TBK1: variants seen among roughly 807,000 people sequenced by gnomAD.
TBK1 encodes the protein serine/threonine-protein kinase TBK1.
Under a neutral mutation model 99.9 loss-of-function variants are expected in TBK1, and 37 were observed. That is an observed-to-expected ratio of 0.37 (90% CI 0.28 to 0.49). The LOEUF is 0.49. Ranked by LOEUF, TBK1 falls within the 20% of genes least tolerant of loss-of-function variation. TBK1 has a pLI of 0.98. For synonymous variants in TBK1, 258 were observed against 279.8 expected, an observed-to-expected ratio of 0.92 and a Z score of 0.78; for missense variants, 644 against 872.5, an observed-to-expected ratio of 0.74 and a Z score of 3.30.
Position 64,481,874 on chromosome 12 carries a change from C to T in TBK1, c.845C>T (p.Ala282Val), listed in dbSNP as rs2040771087. ...GLQVLLTPVL[A>V]NILEADQEKC... is the part of the protein sequence containing the mutation. ...CAGGTTCTACTTACCCCTGTTCTTG[C>T]AAACATCCTTGAAGCAGATCAGGAA... Residue 282 changes from alanine to valine, a missense_variant, in exon 8 of 21, where the codon GCA (alanine) becomes GTA (valine). Ala to Val is a moderately conservative substitution (Grantham distance 64). Coordinates refer to ENST00000331710, the MANE Select transcript of TBK1 (RefSeq NM_013254.4). 1 of 1,607,084 alleles carries T rather than the reference C, an allele frequency of 6.2e-7. No homozygotes were observed. Among genetic ancestry groups the T allele is most frequent in the African/African-American group, 1.3e-5 (1 of 74,540 alleles).
Position 64,455,865 on chromosome 12 carries a change from G to A in TBK1, c.-6G>A, listed in dbSNP as rs997617573. Reference sequence around the variant, plus strand: ...TATAACAAGAGGATTGCCTGATCCAGCCAAGATGCAGAGCACTTCTAATCA... The same window carrying A: ...TATAACAAGAGGATTGCCTGATCCAACCAAGATGCAGAGCACTTCTAATCA... On this transcript the variant is annotated 5_prime_UTR_variant, in exon 2 of 21. Coordinates refer to ENST00000331710, the MANE Select transcript of TBK1 (RefSeq NM_013254.4). 1 of 1,605,918 alleles carries A rather than the reference G, an allele frequency of 6.2e-7. No individual in the cohort carries two copies. The highest frequency in any genetic ancestry group is 8.5e-7 in the Non-Finnish European group (1 of 1,177,888).
chr12:64,501,977 T>C lies in TBK1; in HGVS notation c.*596T>C, dbSNP rs1249245712. On this transcript the variant is annotated 3_prime_UTR_variant, in exon 21 of 21. Transcript: ENST00000331710. Reference sequence around the variant, plus strand: ...AAAGTGAATTCATTATTAAAAACTATTCATTTTTTTCCTTTGGCCATAAAT... The same window carrying C: ...AAAGTGAATTCATTATTAAAAACTACTCATTTTTTTCCTTTGGCCATAAAT... 1 of 152,652 alleles carries C rather than the reference T, an allele frequency of 6.6e-6. No individual in the cohort carries two copies. Among genetic ancestry groups the C allele is most frequent in the Non-Finnish European group, 1.5e-5 (1 of 68,042 alleles). 9.5% of individuals were successfully genotyped at this position (152,652 alleles called of 1,614,324 possible). A position where few individuals can be genotyped will look rare whatever the true frequency, so the allele number is the denominator to read the frequency against.
intron 11 of TBK1, 71 bp downstream of exon 11, chr12:64,486,088 T>C: frequency 9.7e-7 from 1 of 1,029,966 alleles, no homozygotes; most frequent in Non-Finnish European, 1.4e-6. Flanking sequence ...ATTTTCTCTC[T>C]TCAAACTAGT....
chr12:64,494,592 A>T (rs2040906666), intron 13 of TBK1, among the ~76,000 whole-genome samples: 1 of 152,234 alleles, frequency 6.6e-6, no homozygotes, highest in Non-Finnish European at 1.5e-5. Flanking sequence ...ACAAATTGAT[A>T]AGGAAAATAG....
At chr12:64,456,108 C>A in intron 2 of TBK1, 151 bp downstream of exon 2, 1 of 640,304 alleles carries the variant, frequency 1.6e-6, no homozygotes, top group Non-Finnish European at 2.7e-6. Context: ...TAAGGCATAG[C>A]TGTGTCAGGC....
chr12:64,482,368 A>C (rs1417292784), intron 8 of TBK1, among the ~76,000 whole-genome samples: 1 of 152,220 alleles, frequency 6.6e-6, no homozygotes, highest in Non-Finnish European at 1.5e-5. Context: ...GCCATGTTAA[A>C]ATATCAAAGC....
intron 13 of TBK1, among the ~76,000 whole-genome samples, chr12:64,492,897 GTTTT>G (rs539329815): frequency 8.8e-6 from 1 of 113,670 alleles, no homozygotes. Flanking sequence ...AATTTTGTTT[GTTTT>G]TTTTTTTTTT....
intron 12 of TBK1, among the ~76,000 whole-genome samples, chr12:64,489,549 G>A (rs1051453329): frequency 1.3e-5 from 2 of 151,388 alleles, no homozygotes; most frequent in African/African-American, 4.8e-5. Context: ...CTTCAGGAAG[G>A]CATCAGGTTT....
chr12:64,498,126 T>G, intron 20 of TBK1, 87 bp downstream of exon 20: 1 of 1,130,182 alleles, frequency 8.8e-7, no homozygotes, highest in Non-Finnish European at 1.3e-6. Context: ...ATCAATAGAT[T>G]CAGCAGTGGT....
intron 20 of TBK1, among the ~76,000 whole-genome samples, chr12:64,500,752 TC>T: frequency 7.9e-6 from 1 of 126,700 alleles, no homozygotes; most frequent in Non-Finnish European, 1.8e-5. Context: ...CAACTCGGTA[TC>T]TTTTTTTTTT....
Position 64,455,831 on chromosome 12 carries a change from T to G in TBK1, c.-31-9T>G. 6.5e-7 allele frequency: 1 copy of G among 1,542,278 alleles called. No homozygotes were observed. Among genetic ancestry groups the G allele is most frequent in the Non-Finnish European group, 8.8e-7 (1 of 1,139,216 alleles). On this transcript the variant is annotated splice_polypyrimidine_tract_variant and intron_variant, in intron 1 of 20. Transcript: ENST00000331710. ...TAAAACATAGTTGCAAATTTTTTTTTTCTCTTAGTATAACAAGAGGATTGC... is the reference window on the plus strand; with the variant it reads ...TAAAACATAGTTGCAAATTTTTTTTGTCTCTTAGTATAACAAGAGGATTGC...
At chr12:64,464,580 A>G (rs2040583503) in intron 4 of TBK1, 117 bp downstream of exon 4, 1 of 747,770 alleles carries the variant, frequency 1.3e-6, no homozygotes, top group Non-Finnish European at 1.9e-6. Flanking sequence ...TAGATATGAC[A>G]CCAAAAGCAC....
intron 1 of TBK1, 28 bp from the exon 2 acceptor site, chr12:64,455,812 A>T: frequency 7.5e-7 from 1 of 1,328,712 alleles, no homozygotes; most frequent in East Asian, 2.3e-5. Flanking sequence ...CCCTTAAAAC[A>T]TAGTTGCAAA....
At chr12:64,491,763 GT>G (rs2040872241) in intron 13 of TBK1, among the ~76,000 whole-genome samples, 1 of 152,154 alleles carries the variant, frequency 6.6e-6, no homozygotes, top group Admixed American at 6.5e-5. Context: ...GCTGATGTTT[GT>G]TTCTTTTCCT....
intron 7 of TBK1, among the ~76,000 whole-genome samples, chr12:64,481,358 C>T (rs1172479209): frequency 6.6e-6 from 1 of 152,108 alleles, no homozygotes; most frequent in Admixed American, 6.6e-5. Flanking sequence ...GTTACAAATT[C>T]TTTGAGAAAA....
chr12:64,491,578 G>A (rs7963729), intron 13 of TBK1, among the ~76,000 whole-genome samples: 1,931 of 152,226 alleles, frequency 0.013, 45 homozygotes, highest in African/African-American at 0.043. Flanking sequence ...AGCCGAGATC[G>A]TGCCACTTGC....
chr12:64,464,981 C>T (rs541937434), intron 4 of TBK1, among the ~76,000 whole-genome samples: 6 of 152,150 alleles, frequency 3.9e-5, no homozygotes, highest in Admixed American at 2.6e-4. Context: ...TGGTGGCTCA[C>T]GCCTGTAATC....
chr12:64,464,311 C>G (rs1398660522), intron 3 of TBK1, 23 bp from the exon 4 acceptor site: 4 of 1,464,466 alleles, frequency 2.7e-6, no homozygotes, highest in Non-Finnish European at 3.6e-6. Context: ...TGTTGATTCC[C>G]AATCAATGAT....
Position 64,496,425 on chromosome 12 carries a change from T to G in TBK1, c.1760+19T>G. 1 of 1,205,452 alleles carries G rather than the reference T, an allele frequency of 8.3e-7. No individual in the cohort carries two copies. Among genetic ancestry groups the G allele is most frequent in the South Asian group, 1.5e-5 (1 of 67,006 alleles). The allele number at this position is 1,205,452 out of a possible 1,614,324, so 74.7% of individuals were successfully genotyped here. ...TTGATAAGTAAGTATCCAGATTATG[T>G]TTAATAGTTATTTTTGGTGCTATTT... On this transcript the variant is annotated intron_variant, in intron 16 of 20. Transcript: ENST00000331710.
Sources: gnomAD v4.1 joint callset for allele counts (sites outside exome capture counted in the v4.1 genomes callset) on GRCh38, gnomAD v4.1.1 for gene constraint, MANE v1.5 for transcripts, NCBI Gene and HGNC (gene_info 2026-07-23, HGNC 2026-07-21) for gene names.